Variants in CHGA observed in about 807,000 individuals in gnomAD.
The protein encoded by CHGA is chromogranin-A.
In CHGA, 41 loss-of-function variants were observed where a neutral mutation model predicts 54.4. The ratio of observed to expected loss-of-function variants is 0.75; its 90% CI spans 0.59 to 0.98. The LOEUF is 0.98. Among genes scored for constraint, CHGA ranks in the 50% least tolerant of loss-of-function variants. The probability of loss-of-function intolerance (pLI) is 0.00; values close to 1 mark genes in which losing one functional copy is unlikely to be tolerated. For synonymous variants in CHGA, 249 were observed against 232.8 expected, an observed-to-expected ratio of 1.07 and a Z score of -0.63; for missense variants, 576 against 582.3, an observed-to-expected ratio of 0.99 and a Z score of 0.11.
chr14:92,926,949 G>C (rs1416259206), intron 3 of CHGA, among the ~76,000 whole-genome samples: 1 of 152,208 alleles, frequency 6.6e-6, no homozygotes, highest in East Asian at 1.9e-4. Flanking sequence ...AATAAAACCA[G>C]GGCTGAAACA....
chr14:92,928,646 A>G (rs989836277), intron 4 of CHGA, among the ~76,000 whole-genome samples: 2 of 152,154 alleles, frequency 1.3e-5, no homozygotes, highest in Non-Finnish European at 2.9e-5. Flanking sequence ...TGACTAACTG[A>G]TTACATTTAA....
chr14:92,929,402 C>A (rs555257924), intron 4 of CHGA, among the ~76,000 whole-genome samples: 1 of 151,424 alleles, frequency 6.6e-6, no homozygotes, highest in South Asian at 2.1e-4. Flanking sequence ...GGTTCCCCAC[C>A]CCCAACTCCT....
intron 4 of CHGA, 118 bp from the exon 5 acceptor site, chr14:92,929,599 G>A (rs923984494): frequency 5.9e-6 from 5 of 853,166 alleles, no homozygotes; most frequent in Non-Finnish European, 9.5e-6. Context: ...GTCTCATTGG[G>A]CAGGCCCTGA....
Position 92,923,203 on chromosome 14 carries a change from A to G in CHGA, c.-157A>G. On this transcript the variant is annotated 5_prime_UTR_variant, in exon 1 of 8. Coordinates refer to ENST00000216492, the MANE Select transcript of CHGA (RefSeq NM_001275.4). ...AGCCCCGTGCAGGGGAGCTTGCGGG[A>G]GGATCGACCGACAGACGGACGCACG... 1 of 537,300 alleles carries G rather than the reference A, an allele frequency of 1.9e-6. No homozygotes were observed. The allele number at this position is 537,300 out of a possible 1,614,324, so 33.3% of individuals were successfully genotyped here. A position where few individuals can be genotyped will look rare whatever the true frequency, so the allele number is the denominator to read the frequency against.
At chr14:92,926,443 T>C (rs1886887368) in intron 2 of CHGA, 162 bp from the exon 3 acceptor site, 3 of 629,004 alleles carry the variant, frequency 4.8e-6, no homozygotes, top group Non-Finnish European at 8.6e-6. Context: ...GCTATCACTG[T>C]CTGGCTAAGA....
Position 92,929,437 on chromosome 14 carries a change from G to A in CHGA, c.257-280G>A, listed in dbSNP as rs543943745. 5.4e-3 allele frequency among the ~76,000 whole-genome samples: 817 copies of A among 152,236 alleles called. 4 individuals carry two copies. Among genetic ancestry groups the A allele is most frequent in the African/African-American group, 0.019 (779 of 41,528 alleles). On this transcript the variant is annotated intron_variant, in intron 4 of 7. Coordinates refer to ENST00000216492, the MANE Select transcript of CHGA (RefSeq NM_001275.4). ...TGCCCCTGGGATCCTTGCTCCATTTGAGCCTTTCTTGCTGTGTGGCCACAG... is the reference window on the plus strand; with the variant it reads ...TGCCCCTGGGATCCTTGCTCCATTTAAGCCTTTCTTGCTGTGTGGCCACAG...
intron 5 of CHGA, 41 bp downstream of exon 5, chr14:92,929,856 G>T (rs1226218238): frequency 1.3e-6 from 2 of 1,548,734 alleles, no homozygotes; most frequent in Admixed American, 3.4e-5. Flanking sequence ...GGAAGGGAGG[G>T]TGGCAGTGGG....
At chr14:92,925,435 C>T (rs1886868021) in intron 2 of CHGA, among the ~76,000 whole-genome samples, 1 of 152,164 alleles carries the variant, frequency 6.6e-6, no homozygotes, top group Non-Finnish European at 1.5e-5. Context: ...ACACCCTGGT[C>T]ACCATATTAT....
At chr14:92,933,202 C>T (rs1366012840) in intron 7 of CHGA, 2 of 203,718 alleles carry the variant, frequency 9.8e-6, no homozygotes, top group East Asian at 2.3e-4. Context: ...ACAGCCTCCT[C>T]CCAGGCTCAG....
intron 2 of CHGA, among the ~76,000 whole-genome samples, chr14:92,925,008 A>G (rs1015644300): frequency 6.6e-6 from 1 of 152,156 alleles, no homozygotes; most frequent in Non-Finnish European, 1.5e-5. Flanking sequence ...TTAAAATCCA[A>G]ACCATCCAAG....
intron 4 of CHGA, among the ~76,000 whole-genome samples, chr14:92,928,983 T>A (rs532687577): frequency 6.6e-5 from 10 of 152,326 alleles, no homozygotes; most frequent in Middle Eastern, 3.4e-3. Flanking sequence ...CCACGTTGCC[T>A]GAGACCAGGG....
chr14:92,929,075 C>T (rs1348234277), intron 4 of CHGA, among the ~76,000 whole-genome samples: 1 of 152,250 alleles, frequency 6.6e-6, no homozygotes, highest in Non-Finnish European at 1.5e-5. Flanking sequence ...GAGGGGCCAA[C>T]ATCAGGAATA....
At position 92,931,608 on chromosome 14, in the gene CHGA, G is replaced by C. The variant is rs1886999509; in HGVS notation, c.714G>C (p.Glu238Asp). The C allele has an allele frequency of 6.2e-7, 1 of 1,613,226 alleles. No homozygotes were observed. The highest frequency in any genetic ancestry group is 1.3e-5 in the African/African-American group (1 of 74,998). ...AGGAGGAGGAGGAGGAGGAGGCTGA[G>C]GCTGGAGAGGAGGCTGTCCCCGAGG... ...EEEEEEEEEAEAGEEAVPEEE... is the reference protein window; with the variant it reads ...EEEEEEEEEADAGEEAVPEEE... The change falls in exon 6 of 8, where the codon GAG becomes GAC. Residue 238 changes from glutamate (E) to aspartate (D), a missense_variant. Coordinates refer to ENST00000216492, the MANE Select transcript of CHGA (RefSeq NM_001275.4).
At chr14:92,934,754 A>C in intron 7 of CHGA, 47 bp from the exon 8 acceptor site, 1 of 1,472,808 alleles carries the variant, frequency 6.8e-7, no homozygotes, top group South Asian at 1.2e-5. Flanking sequence ...TGTGCCTTCC[A>C]TGCCACTGGC....
At chr14:92,924,098 G>T in intron 1 of CHGA, 101 bp from the exon 2 acceptor site, 2 of 1,328,566 alleles carry the variant, frequency 1.5e-6, no homozygotes, top group South Asian at 1.3e-5. Flanking sequence ...GCAGTTTTGA[G>T]GGGTGGCATT....
In CHGA at chr14:92,923,341, C is replaced by A; in HGVS notation, c.-19C>A. On this transcript the variant is annotated 5_prime_UTR_variant, in exon 1 of 8. Transcript: ENST00000216492. ...GTGCCCGGCCCCACACCGCCAGCTG[C>A]TCGGCGCCCGGGTCCGCCATGCGCT... 7.6e-7 allele frequency: 1 copy of A among 1,322,606 alleles called. No homozygotes were observed. The allele number at this position is 1,322,606 out of a possible 1,614,324, so 81.9% of individuals were successfully genotyped here.
At chr14:92,931,890 T>C (rs1337352678) in intron 6 of CHGA, among the ~76,000 whole-genome samples, 188 bp downstream of exon 6, 1 of 146,000 alleles carries the variant, frequency 6.8e-6, no homozygotes, top group Non-Finnish European at 1.5e-5. Flanking sequence ...ACAGCTAATT[T>C]GTAGCAAAAG....
Position 92,926,590 on chromosome 14 carries a change from G to A in CHGA, c.94-15G>A, listed in dbSNP as rs1414403667. On this transcript the variant is annotated splice_polypyrimidine_tract_variant and intron_variant, in intron 2 of 7. Coordinates refer to ENST00000216492, the MANE Select transcript of CHGA (RefSeq NM_001275.4). The stretch of plus-strand genomic sequence containing the variant: ...CTCAAACCAGCCCCAACCTGCCCCT[G>A]CACTGTGTTCCCAGGTGATGAAATG... 6.2e-7 allele frequency: 1 copy of A among 1,612,874 alleles called. No homozygotes were observed. Among genetic ancestry groups the A allele is most frequent in the Non-Finnish European group, 8.5e-7 (1 of 1,179,250 alleles).
intron 4 of CHGA, among the ~76,000 whole-genome samples, chr14:92,927,880 G>A (rs1195443240): frequency 2.0e-5 from 3 of 152,164 alleles, no homozygotes; most frequent in African/African-American, 4.8e-5. Context: ...TAAAACCCAC[G>A]GCCTCTGCAG....
Sources: gnomAD v4.1 joint callset for allele counts (sites outside exome capture counted in the v4.1 genomes callset) on GRCh38, gnomAD v4.1.1 for gene constraint, MANE v1.5 for transcripts, NCBI Gene and HGNC (gene_info 2026-07-23, HGNC 2026-07-21) for gene names.